SLC4A3: variants seen among roughly 807,000 people sequenced by gnomAD.
SLC4A3 encodes anion exchange protein 3.
SLC4A3 carries 47 observed loss-of-function variants against 114.2 expected under a neutral mutation model. The observed-to-expected ratio is 0.41, with a 90% CI of 0.33 to 0.52. The LOEUF (loss-of-function observed/expected upper bound fraction) is 0.52, where lower values mean the gene tolerates loss of function less well. Ranked by LOEUF, SLC4A3 falls within the 20% of genes least tolerant of loss-of-function variation. SLC4A3 has a pLI of 0.21. For missense variants in SLC4A3, 1,312 were observed against 1,668.3 expected, an observed-to-expected ratio of 0.79 and a Z score of 3.72; for synonymous variants, 693 against 710.3, an observed-to-expected ratio of 0.98 and a Z score of 0.39.
At chr2:219,634,001 G>C in intron 11 of SLC4A3, 22 bp downstream of exon 11, 1 of 1,535,876 alleles carries the variant, frequency 6.5e-7, no homozygotes, top group Non-Finnish European at 8.8e-7. Flanking sequence ...CGGGCGCCGG[G>C]GGCAGGGTCT....
chr2:219,634,585 C>A lies in SLC4A3; in HGVS notation c.1727C>A (p.Ala576Asp), dbSNP rs1180992556. 1.2e-6 allele frequency: 2 copies of A among 1,614,012 alleles called. No homozygotes were observed. The highest frequency in any genetic ancestry group is 1.3e-5 in the African/African-American group (1 of 74,938). ...TATCACGAGCTTGGGCGCTCCATTG[C>A]CACCCTTATGTCTGACAAGGTTGGG... ...TDYHELGRSI[A>D]TLMSDKLFHE... The change falls in exon 12 of 23, where the codon GCC (alanine) becomes GAC (aspartate). Residue 576 changes from alanine (A) to aspartate (D), a missense_variant. Ala to Asp is a moderately radical substitution (Grantham distance 126). This residue lies in a region of SLC4A3 where 771 missense variants were observed against 977.7 expected (regional missense o/e 0.79). Coordinates refer to ENST00000358055, the MANE Select transcript of SLC4A3 (RefSeq NM_005070.4).
rs773948874 is a variant in SLC4A3, at chr2:219,629,653, C to T, written c.569C>T (p.Ser190Leu). The part of the protein sequence containing the change: ...GRAAVTKPLP[S>L]VGPHTDKSPQ... ...GCTGCTGTCACCAAGCCCCTGCCCTCGGTGGGCCCACACACTGACAAGAGC... is the reference window on the plus strand; with the variant it reads ...GCTGCTGTCACCAAGCCCCTGCCCTTGGTGGGCCCACACACTGACAAGAGC... The change falls in exon 5 of 23, where the codon TCG becomes TTG. Residue 190 changes from serine to leucine, a missense_variant. Physicochemically the swap from Ser to Leu is moderately radical, Grantham distance 145. Around this residue, in one of 4 missense-constraint regions of SLC4A3, gnomAD observed 771 missense variants for 977.7 expected, o/e 0.79. Coordinates refer to ENST00000358055, the MANE Select transcript of SLC4A3 (RefSeq NM_005070.4). The T allele has an allele frequency of 1.9e-4, 312 of 1,613,312 alleles. 1 individual carries two copies. The highest frequency in any genetic ancestry group is 1.6e-3 in the South Asian group (144 of 91,062).
rs2305054 is a variant in SLC4A3, at chr2:219,641,800, G to A, written c.*72G>A. ...ACACCTGGGCCTCAGGCAGAGCCCAGCCCTGGGCTGGGGGGCTCCTCAGGA... is the reference window on the plus strand; with the variant it reads ...ACACCTGGGCCTCAGGCAGAGCCCAACCCTGGGCTGGGGGGCTCCTCAGGA... On this transcript the variant is annotated 3_prime_UTR_variant, in exon 23 of 23. Transcript: ENST00000358055. The surrounding 1 kb of genome is among the most constrained non-coding windows in gnomAD (Gnocchi z 4.0). 216,105 of 1,307,910 alleles carry A rather than the reference G, an allele frequency of 0.17. 19,044 individuals carry two copies. The highest frequency in any genetic ancestry group is 0.27 in the Middle Eastern group (1,481 of 5,388). The allele number at this position is 1,307,910 out of a possible 1,614,324, so 81.0% of individuals were successfully genotyped here. A position where few individuals can be genotyped will look rare whatever the true frequency, so the allele number is the denominator to read the frequency against.
Position 219,639,803 on chromosome 2 carries a change from C to T in SLC4A3, c.3277+68C>T. ...CCACGGTCTTACATCTTCACTATCC[C>T]AGGCTTGACCCTGAATCTCCCAATG... On this transcript the variant is annotated intron_variant, in intron 20 of 22. Coordinates refer to ENST00000358055, the MANE Select transcript of SLC4A3 (RefSeq NM_005070.4). The surrounding 1 kb of genome is among the most constrained non-coding windows in gnomAD (Gnocchi z 5.9). 6.4e-7 allele frequency: 1 copy of T among 1,563,178 alleles called. No individual in the cohort carries two copies. The highest frequency in any genetic ancestry group is 1.2e-5 in the South Asian group (1 of 86,092).
chr2:219,637,871 C>T lies in SLC4A3; in HGVS notation c.2766+60C>T, dbSNP rs1699184423. The stretch of plus-strand genomic sequence containing the variant: ...CCCACAATTCCTGCTGTAGGAGCTC[C>T]CCAGAGAGGCTGCACCCCTTCCCCG... On this transcript the variant is annotated intron_variant, in intron 17 of 22. Transcript: ENST00000358055. The surrounding 1 kb of genome is among the most constrained non-coding windows in gnomAD (Gnocchi z 4.6). 3 of 1,349,506 alleles carry T rather than the reference C, an allele frequency of 2.2e-6. No homozygotes were observed. The African/African-American group carries it at 4.3e-5, about 19-fold the overall frequency. 83.6% of individuals were successfully genotyped at this position (1,349,506 alleles called of 1,614,324 possible). A position where few individuals can be genotyped will look rare whatever the true frequency, so the allele number is the denominator to read the frequency against.
chr2:219,635,892 G>T lies in SLC4A3; in HGVS notation c.2191+1G>T. On this transcript the variant is annotated splice_donor_variant, in intron 14 of 22. Coordinates refer to ENST00000358055, the MANE Select transcript of SLC4A3 (RefSeq NM_005070.4). LOFTEE classifies it high-confidence loss of function. ...GCCATCACCTTCGGGGGGCTGCTGG[G>T]TAAGGGACTGGGGCTTGGGGAGTTG... 1 of 1,505,052 alleles carries T rather than the reference G, an allele frequency of 6.6e-7. No homozygotes were observed. Among genetic ancestry groups the T allele is most frequent in the Non-Finnish European group, 8.8e-7 (1 of 1,130,754 alleles). 93.2% of individuals were successfully genotyped at this position (1,505,052 alleles called of 1,614,324 possible). A position where few individuals can be genotyped will look rare whatever the true frequency, so the allele number is the denominator to read the frequency against.
Position 219,630,481 on chromosome 2 carries a change from A to T in SLC4A3, c.811+129A>T. The T allele has an allele frequency of 9.6e-7, 1 of 1,044,838 alleles. No individual in the cohort carries two copies. Among genetic ancestry groups the T allele is most frequent in the South Asian group, 1.7e-5 (1 of 59,458 alleles). The allele number at this position is 1,044,838 out of a possible 1,614,324, so 64.7% of individuals were successfully genotyped here. On this transcript the variant is annotated intron_variant, in intron 6 of 22. Coordinates refer to ENST00000358055, the MANE Select transcript of SLC4A3 (RefSeq NM_005070.4). The surrounding 1 kb of genome is among the most constrained non-coding windows in gnomAD (Gnocchi z 6.9). ...CCTCTCTGAATCCCTGTCTGCTGGG[A>T]TGTGGCCAGTGATGGGGACCTCACT...
chr2:219,633,148 A>G (rs1013269803), intron 9 of SLC4A3, 126 bp from the exon 10 acceptor site: 7 of 1,390,924 alleles, frequency 5.0e-6, no homozygotes, highest in Middle Eastern at 1.9e-4. Context: ...GACACTTTCA[A>G]TCATTATAAA....
rs377677324 is a variant in SLC4A3, at chr2:219,628,184, G to C, written c.51+141G>C. ...GGGCTGGGGGTTACGGAGAAAGAGGGGGGTTTTTGATATTTTCCAGATCCG... is the reference window on the plus strand; with the variant it reads ...GGGCTGGGGGTTACGGAGAAAGAGGCGGGTTTTTGATATTTTCCAGATCCG... On this transcript the variant is annotated intron_variant, in intron 2 of 22. Coordinates refer to ENST00000358055, the MANE Select transcript of SLC4A3 (RefSeq NM_005070.4). The surrounding 1 kb of genome is among the most constrained non-coding windows in gnomAD (Gnocchi z 4.8). The C allele has an allele frequency of 3.4e-4, 275 of 820,348 alleles. No individual in the cohort carries two copies. In the African/African-American group the frequency reaches 4.3e-3, roughly 13 times the overall value. 50.8% of individuals were successfully genotyped at this position (820,348 alleles called of 1,614,324 possible).
intron 10 of SLC4A3, 99 bp from the exon 11 acceptor site, chr2:219,633,781 G>A: frequency 6.6e-7 from 1 of 1,519,980 alleles, no homozygotes; most frequent in Non-Finnish European, 8.8e-7. Flanking sequence ...CTCTGGGAGG[G>A]AGAAGCAGGT....
At position 219,639,761 on chromosome 2, in the gene SLC4A3, AC is replaced by A; in HGVS notation, c.3277+31del. 2 of 1,594,848 alleles carry A rather than the reference AC, an allele frequency of 1.3e-6. No homozygotes were observed. The highest frequency in any genetic ancestry group is 8.5e-7 in the Non-Finnish European group (1 of 1,175,376). On this transcript the variant is annotated intron_variant, in intron 20 of 22. Transcript: ENST00000358055. The surrounding 1 kb of genome is among the most constrained non-coding windows in gnomAD (Gnocchi z 5.9). ...GTGAGAGCCCGCCTCCACCCTGCAC[AC>A]CCCCTTCCTTGGGCCCCACGGTCTT...
chr2:219,637,921 C>A lies in SLC4A3; in HGVS notation c.2766+110C>A. The A allele has an allele frequency of 1.1e-6, 1 of 871,790 alleles. No individual in the cohort carries two copies. The highest frequency in any genetic ancestry group is 1.9e-6 in the Non-Finnish European group (1 of 540,308). The allele number at this position is 871,790 out of a possible 1,614,324, so 54.0% of individuals were successfully genotyped here. A position where few individuals can be genotyped will look rare whatever the true frequency, so the allele number is the denominator to read the frequency against. On this transcript the variant is annotated intron_variant, in intron 17 of 22. Coordinates refer to ENST00000358055, the MANE Select transcript of SLC4A3 (RefSeq NM_005070.4). The surrounding 1 kb of genome is among the most constrained non-coding windows in gnomAD (Gnocchi z 4.6). Reference sequence around the variant, plus strand: ...GGTCAGCCCATGGACCAAAACCCAGCTCGGGCAGCCCCTCACCCCTTCGGA... The same window carrying A: ...GGTCAGCCCATGGACCAAAACCCAGATCGGGCAGCCCCTCACCCCTTCGGA...
At position 219,632,252 on chromosome 2, in the gene SLC4A3, C is replaced by G. The variant is rs182991533; in HGVS notation, c.961-10C>G. 1.2e-6 allele frequency: 2 copies of G among 1,613,808 alleles called. No individual in the cohort carries two copies. The highest frequency in any genetic ancestry group is 1.7e-5 in the Admixed American group (1 of 59,990). ...GGCCCCTGGGCCCTCACCTTTGGCA[C>G]GCCCCCCAGGTGTTCGTGGAGCTGA... On this transcript the variant is annotated splice_polypyrimidine_tract_variant and intron_variant, in intron 7 of 22. Coordinates refer to ENST00000358055, the MANE Select transcript of SLC4A3 (RefSeq NM_005070.4).
At position 219,637,321 on chromosome 2, in the gene SLC4A3, T is replaced by C. The variant is rs623851; in HGVS notation, c.2536-260T>C. Among the ~76,000 whole-genome samples, 141,203 of 151,618 alleles carry C rather than the reference T, an allele frequency of 0.93. 66,533 individuals carry two copies. Among genetic ancestry groups the C allele is most frequent in the Non-Finnish European group, 1 (67,757 of 67,872 alleles). On this transcript the variant is annotated intron_variant, in intron 16 of 22. Transcript: ENST00000358055. The surrounding 1 kb of genome is among the most constrained non-coding windows in gnomAD (Gnocchi z 4.6). ...GTGTGTGTTGTGTGTATGTATGTTG[T>C]GTGTGTGGTGTGTATGTGGTATGTT...
rs919233457 is a variant in SLC4A3 at position 219,637,850 on chromosome 2, C to T, written c.2766+39C>T. ...GGGTGTGGAGCCCCCAAGAGTCCCA[C>T]AATTCCTGCTGTAGGAGCTCCCCAG... On this transcript the variant is annotated intron_variant, in intron 17 of 22. Coordinates refer to ENST00000358055, the MANE Select transcript of SLC4A3 (RefSeq NM_005070.4). The surrounding 1 kb of genome is among the most constrained non-coding windows in gnomAD (Gnocchi z 4.6). 6.7e-7 allele frequency: 1 copy of T among 1,501,640 alleles called. No homozygotes were observed. Among genetic ancestry groups the T allele is most frequent in the East Asian group, 2.3e-5 (1 of 44,318 alleles). 93.0% of individuals were successfully genotyped at this position (1,501,640 alleles called of 1,614,324 possible). A position where few individuals can be genotyped will look rare whatever the true frequency, so the allele number is the denominator to read the frequency against.
At position 219,641,018 on chromosome 2, in the gene SLC4A3, AATCTCTGTTTGGCC is replaced by A; in HGVS notation, c.3621+58_3621+71del. On this transcript the variant is annotated intron_variant, in intron 22 of 22. Transcript: ENST00000358055. The surrounding 1 kb of genome is among the most constrained non-coding windows in gnomAD (Gnocchi z 4.0). ...TTAGGGCAAATGGGCACTGGGTTCC[AATCTCTGTTTGGCC>A]ACCCACTAGTTGTGTTAGTTGTGAA... The A allele has an allele frequency of 6.5e-7, 1 of 1,535,594 alleles. No individual in the cohort carries two copies. Among genetic ancestry groups the A allele is most frequent in the Non-Finnish European group, 8.8e-7 (1 of 1,134,356 alleles).
rs867136977 is a variant in SLC4A3, at chr2:219,633,356, C to T, written c.1360C>T (p.His454Tyr). 2 of 1,607,678 alleles carry T rather than the reference C, an allele frequency of 1.2e-6. No individual in the cohort carries two copies. The highest frequency in any genetic ancestry group is 2.7e-5 in the African/African-American group (2 of 74,788). The change falls in exon 10 of 23, where the codon CAC becomes TAC. Residue 454 changes from histidine to tyrosine, a missense_variant. Physicochemically the swap from His to Tyr is moderately conservative, Grantham distance 83. This residue lies in a region of SLC4A3 where 771 missense variants were observed against 977.7 expected (regional missense o/e 0.79). Coordinates refer to ENST00000358055, the MANE Select transcript of SLC4A3 (RefSeq NM_005070.4). ...SSMNSVLGNH[H>Y]PTPSHGPDGA... ...CATGAACTCGGTTCTGGGGAATCAT[C>T]ACCCAACTCCCAGCCATGGCCCTGA...
intron 20 of SLC4A3, 128 bp from the exon 21 acceptor site, chr2:219,640,302 C>T (rs1699280267): frequency 1.0e-6 from 1 of 953,862 alleles, no homozygotes; most frequent in South Asian, 1.8e-5. Flanking sequence ...CATGTCGCCT[C>T]CCCCCAGGCC....
chr2:219,631,852 G>A lies in SLC4A3; in HGVS notation c.812-116G>A. ...GGGATTATGTGGTTCCCGTCGGCAT[G>A]GCCTGTTGGTGACTGTAGAGCTCAC... On this transcript the variant is annotated intron_variant, in intron 6 of 22. Coordinates refer to ENST00000358055, the MANE Select transcript of SLC4A3 (RefSeq NM_005070.4). The surrounding 1 kb of genome is among the most constrained non-coding windows in gnomAD (Gnocchi z 6.3). 8.8e-7 allele frequency: 1 copy of A among 1,140,494 alleles called. No homozygotes were observed. Among genetic ancestry groups the A allele is most frequent in the Non-Finnish European group, 1.3e-6 (1 of 796,188 alleles). 70.6% of individuals were successfully genotyped at this position (1,140,494 alleles called of 1,614,324 possible). A position where few individuals can be genotyped will look rare whatever the true frequency, so the allele number is the denominator to read the frequency against.
Sources: gnomAD v4.1 joint callset for allele counts (sites outside exome capture counted in the v4.1 genomes callset) on GRCh38, gnomAD v4.1.1 for gene constraint, gnomAD v4.1.1 regional missense constraint, Gnocchi (gnomAD v3.1) non-coding constraint, MANE v1.5 for transcripts, NCBI Gene and HGNC (gene_info 2026-07-23, HGNC 2026-07-21) for gene names.